Variants in HDAC4 observed in about 807,000 individuals in gnomAD.
HDAC4 encodes the protein histone deacetylase A.
A neutral mutation model predicts 135.1 loss-of-function variants in HDAC4; 16 were observed. The observed-to-expected ratio is 0.12, with a 90% confidence interval of 0.08 to 0.18. The LOEUF is 0.18. Among genes scored for constraint, HDAC4 ranks in the 10% least tolerant of loss-of-function variants. HDAC4 has a pLI of 1.00. For synonymous variants in HDAC4, 685 were observed against 653.4 expected, an observed-to-expected ratio of 1.05 and a Z score of -0.74; for missense variants, 1,143 against 1,511.8, an observed-to-expected ratio of 0.76 and a Z score of 4.05.
Position 239,400,188 on chromosome 2 carries a change from C to G in HDAC4, c.-220+790G>C, listed in dbSNP as rs1052679490. On this transcript the variant is annotated intron_variant, in intron 1 of 26. Transcript: ENST00000543185. This position sits in a 1 kb window ranked among gnomAD's most constrained non-coding sequence, Gnocchi z 4.7. ...CCTGCGGGCTGAGCCGAGCGGGTCC[C>G]GGGCAGCCCCCCGCCCTCCCGCGAC... is the stretch of plus-strand genomic sequence containing the variant. 7.9e-5 allele frequency among the ~76,000 whole-genome samples: 12 copies of G among 151,794 alleles called. No homozygotes were observed. Among genetic ancestry groups the G allele is most frequent in the Non-Finnish European group, 1.6e-4 (11 of 67,896 alleles).
chr2:239,360,641 C>T (rs1323329254), intron 1 of HDAC4, among the ~76,000 whole-genome samples: 2 of 152,208 alleles, frequency 1.3e-5, no homozygotes, highest in South Asian at 2.1e-4. Flanking sequence ...CGGGGGCACC[C>T]GAGCTCCACC....
At chr2:239,162,708 CG>C (rs1331919139) in intron 6 of HDAC4, among the ~76,000 whole-genome samples, 5 of 152,120 alleles carry the variant, frequency 3.3e-5, no homozygotes, top group Admixed American at 6.5e-5. Flanking sequence ...GTGTGTCTGC[CG>C]TGAGTGCAGC....
rs534928711 is a variant in HDAC4 at position 239,166,718 on chromosome 2, CAG to C, written c.491-2797_491-2796del. ...TGGAAAAACAGACCCAGACATAAAC[CAG>C]AGAGTTAACCTCGTAAATATACAAA... On this transcript the variant is annotated intron_variant, in intron 5 of 26. Coordinates refer to ENST00000543185, the MANE Select transcript of HDAC4 (RefSeq NM_001378414.1). Among the ~76,000 whole-genome samples the C allele has an allele frequency of 3.2e-4, 49 of 152,264 alleles. No individual in the cohort carries two copies. The East Asian group carries it at 6.6e-3, about 20-fold the overall frequency.
chr2:239,185,106 C>T (rs1438380443), intron 4 of HDAC4, among the ~76,000 whole-genome samples: 2 of 151,004 alleles, frequency 1.3e-5, no homozygotes, highest in Non-Finnish European at 3.0e-5. Flanking sequence ...ACCCTGGAGG[C>T]TGTGCCCTAT....
chr2:239,324,555 T>G (rs1314808730), intron 2 of HDAC4, among the ~76,000 whole-genome samples: 1 of 152,234 alleles, frequency 6.6e-6, no homozygotes, highest in East Asian at 1.9e-4. Context: ...CCCGCTTCAG[T>G]GCAGCAGCCA....
chr2:239,113,237 G>A (rs1319333288), intron 13 of HDAC4, among the ~76,000 whole-genome samples: 4 of 152,088 alleles, frequency 2.6e-5, no homozygotes, highest in Admixed American at 2.0e-4. Context: ...GCAACAGAGT[G>A]AGACTCTGTC....
At chr2:239,387,675 GAGA>G (rs2126088045) in intron 1 of HDAC4, among the ~76,000 whole-genome samples, 1 of 152,306 alleles carries the variant, frequency 6.6e-6, no homozygotes, top group Admixed American at 6.5e-5. Context: ...TGATCGTGTG[GAGA>G]AGAAAACCGA....
intron 1 of HDAC4, among the ~76,000 whole-genome samples, chr2:239,391,323 T>C (rs1419609394): frequency 1.3e-5 from 2 of 152,180 alleles, no homozygotes; most frequent in Non-Finnish European, 2.9e-5. Flanking sequence ...GACGAGAGCT[T>C]GTTCTCAAAC....
intron 3 of HDAC4, among the ~76,000 whole-genome samples, chr2:239,223,855 T>TA (rs529710659): frequency 3.9e-3 from 538 of 139,432 alleles, no homozygotes; most frequent in South Asian, 6.0e-3. Context: ...AAACATTGTT[T>TA]AAAAAAAAAA....
intron 4 of HDAC4, among the ~76,000 whole-genome samples, chr2:239,182,030 T>C (rs2044184614): frequency 6.6e-6 from 1 of 152,088 alleles, no homozygotes; most frequent in Non-Finnish European, 1.5e-5. Context: ...GCAAGCAAAG[T>C]CCCTCTACCA....
chr2:239,201,290 C>T (rs1349218128), intron 3 of HDAC4, among the ~76,000 whole-genome samples: 1 of 152,080 alleles, frequency 6.6e-6, no homozygotes, highest in Non-Finnish European at 1.5e-5. Flanking sequence ...GTGCCTCAGG[C>T]TGGGTGTGGT....
At chr2:239,136,764 C>T (rs1382778088) in intron 9 of HDAC4, among the ~76,000 whole-genome samples, 1 of 152,180 alleles carries the variant, frequency 6.6e-6, no homozygotes, top group Non-Finnish European at 1.5e-5. Flanking sequence ...ATATGACTGG[C>T]CATTGGGGAT....
At position 239,178,549 on chromosome 2, in the gene HDAC4, C is replaced by T. The variant is rs1003896023; in HGVS notation, c.340-1986G>A. Among the ~76,000 whole-genome samples, 10 of 152,146 alleles carry T rather than the reference C, an allele frequency of 6.6e-5. 1 individual carries two copies. Among genetic ancestry groups the T allele is most frequent in the East Asian group, 3.9e-4 (2 of 5,182 alleles). Reference sequence around the variant, plus strand: ...AGGTGCACACCACTGCACCCAGATACGTTTTCTTCTTTTTTGATGAAACAA... The same window carrying T: ...AGGTGCACACCACTGCACCCAGATATGTTTTCTTCTTTTTTGATGAAACAA... On this transcript the variant is annotated intron_variant, in intron 4 of 26. Coordinates refer to ENST00000543185, the MANE Select transcript of HDAC4 (RefSeq NM_001378414.1).
chr2:239,061,204 ATGTG>A (rs1387683512), intron 24 of HDAC4, among the ~76,000 whole-genome samples: 1 of 151,766 alleles, frequency 6.6e-6, no homozygotes, highest in Non-Finnish European at 1.5e-5. Flanking sequence ...CTTGTGGGGT[ATGTG>A]TGCGTGTGTG....
rs558056537 is a variant in HDAC4, at chr2:239,124,003, G to A, written c.1533+2453C>T. ...CGGTCCTGAAATCCAGGGAAGCAAC[G>A]GGGGTGGGGTGGAGTGAGGGGGGCA... On this transcript the variant is annotated intron_variant, in intron 12 of 26. Transcript: ENST00000543185. Among the ~76,000 whole-genome samples the A allele has an allele frequency of 6.6e-5, 10 of 152,078 alleles. No individual in the cohort carries two copies. In the South Asian group the frequency reaches 1.9e-3, roughly 28 times the overall value.
rs1040749321 is a variant in HDAC4 at position 239,179,950 on chromosome 2, C to T, written c.340-3387G>A. ...TGTGCGTTCTGAATGTGAGTGAGCGCGTGGGATTGAGCATGTGTGCTCCAG... is the reference window on the plus strand; with the variant it reads ...TGTGCGTTCTGAATGTGAGTGAGCGTGTGGGATTGAGCATGTGTGCTCCAG... On this transcript the variant is annotated intron_variant, in intron 4 of 26. Coordinates refer to ENST00000543185, the MANE Select transcript of HDAC4 (RefSeq NM_001378414.1). Among the ~76,000 whole-genome samples, 10 of 152,296 alleles carry T rather than the reference C, an allele frequency of 6.6e-5. No individual in the cohort carries two copies. The South Asian group carries it at 1.0e-3, about 16-fold the overall frequency.
At chr2:239,199,691 C>T (rs747557635) in intron 3 of HDAC4, among the ~76,000 whole-genome samples, 3 of 151,754 alleles carry the variant, frequency 2.0e-5, no homozygotes, top group African/African-American at 4.8e-5. Flanking sequence ...CTGAGAGCAG[C>T]GCCCTGTTCT....
chr2:239,144,569 C>T lies in HDAC4; in HGVS notation c.865+14G>A, dbSNP rs200268704. The T allele has an allele frequency of 1.2e-5, 19 of 1,613,174 alleles. No individual in the cohort carries two copies. The East Asian group carries it at 3.8e-4, about 32-fold the overall frequency. ...GAGGGCAGCGGGGCGGGTGTACCTGCTCAGCCGACATACCTGTGACATCCA... is the reference window on the plus strand; with the variant it reads ...GAGGGCAGCGGGGCGGGTGTACCTGTTCAGCCGACATACCTGTGACATCCA... On this transcript the variant is annotated intron_variant, in intron 8 of 26. Coordinates refer to ENST00000543185, the MANE Select transcript of HDAC4 (RefSeq NM_001378414.1).
intron 2 of HDAC4, among the ~76,000 whole-genome samples, chr2:239,253,421 T>A (rs1342799504): frequency 3.9e-5 from 6 of 152,198 alleles, no homozygotes. Context: ...GCCTTTTAAC[T>A]CAACTACAAG....
Sources: gnomAD v4.1 joint callset for allele counts (sites outside exome capture counted in the v4.1 genomes callset) on GRCh38, gnomAD v4.1.1 for gene constraint, Gnocchi (gnomAD v3.1) non-coding constraint, MANE v1.5 for transcripts, NCBI Gene and HGNC (gene_info 2026-07-23, HGNC 2026-07-21) for gene names.